The following ZNF385D variants were observed in gnomAD, a reference collection of about 807,000 sequenced individuals.
ZNF385D encodes the protein zinc finger protein 659.
In ZNF385D, 15 loss-of-function variants were observed where a neutral mutation model predicts 35.8. The ratio of observed to expected loss-of-function variants is 0.42; its 90% CI spans 0.28 to 0.64. The LOEUF (loss-of-function observed/expected upper bound fraction) is 0.64, where lower values mean the gene tolerates loss of function less well. Among genes scored for constraint, ZNF385D ranks in the 30% least tolerant of loss-of-function variants. The pLI, the probability that ZNF385D is intolerant of heterozygous loss-of-function variation, is 0.23. For missense variants in ZNF385D, 474 were observed against 494.6 expected, an observed-to-expected ratio of 0.96 and a Z score of 0.39; for synonymous variants, 212 against 186.8, an observed-to-expected ratio of 1.13 and a Z score of -1.10.
At chr3:21,444,790 T>C (rs1702060376) in intron 4 of ZNF385D, among the ~76,000 whole-genome samples, 1 of 143,388 alleles carries the variant, frequency 7.0e-6, no homozygotes, top group South Asian at 2.3e-4. Flanking sequence ...GCTTTTATTT[T>C]GTAGGATAAT....
chr3:21,824,994 T>C (rs2125745514), intron 3 of ZNF385D, among the ~76,000 whole-genome samples: 1 of 152,326 alleles, frequency 6.6e-6, no homozygotes, highest in South Asian at 2.1e-4. Context: ...ATTAATATGT[T>C]CAGACTTCAT....
chr3:21,750,986 C>CAG lies in ZNF385D; in HGVS notation c.-72_-71dup. ...TCTCACCCAAGGCTGGCACGTAGAG[C>CAG]AGAGCCCTTTCATGCTACATTCGGT... On this transcript the variant is annotated 5_prime_UTR_variant, in exon 1 of 8. It introduces an in-frame stop codon into an upstream open reading frame of the 5' UTR. Transcript: ENST00000281523. 1 of 1,612,854 alleles carries CAG rather than the reference C, an allele frequency of 6.2e-7. No homozygotes were observed. Among genetic ancestry groups the CAG allele is most frequent in the Non-Finnish European group, 8.5e-7 (1 of 1,179,588 alleles).
chr3:22,259,595 C>CA (rs923395111), intron 2 of ZNF385D, among the ~76,000 whole-genome samples: 9 of 151,612 alleles, frequency 5.9e-5, no homozygotes, highest in African/African-American at 2.2e-4. Flanking sequence ...ACTAGCATAT[C>CA]AAAAAAATGT....
At chr3:21,636,708 T>A (rs918911496) in intron 2 of ZNF385D, among the ~76,000 whole-genome samples, 3 of 151,776 alleles carry the variant, frequency 2.0e-5, no homozygotes, top group African/African-American at 7.3e-5. Context: ...CTGACTCAAA[T>A]GTTAATCTCC....
intron 3 of ZNF385D, among the ~76,000 whole-genome samples, chr3:22,023,576 T>G (rs569179296): frequency 6.6e-6 from 1 of 152,242 alleles, no homozygotes; most frequent in East Asian, 1.9e-4. Context: ...ATTACAAAGC[T>G]GCTTCTGGCT....
intron 3 of ZNF385D, among the ~76,000 whole-genome samples, chr3:21,527,067 G>T (rs1708270768): frequency 6.6e-6 from 1 of 151,900 alleles, no homozygotes; most frequent in Non-Finnish European, 1.5e-5. Flanking sequence ...AATCTTAAAA[G>T]TACAAATAAG....
At chr3:22,092,126 C>T (rs558848183) in intron 3 of ZNF385D, among the ~76,000 whole-genome samples, 114 of 152,256 alleles carry the variant, frequency 7.5e-4, no homozygotes, top group African/African-American at 2.5e-3. Flanking sequence ...AAGGCATGCA[C>T]TGTCCTAGTC....
At chr3:21,460,098 G>A (rs77816869) in intron 4 of ZNF385D, among the ~76,000 whole-genome samples, 3,197 of 152,220 alleles carry the variant, frequency 0.021, 108 homozygotes, top group African/African-American at 0.073. Context: ...TGTTTCTTTT[G>A]ATTCTGTTTA....
intron 3 of ZNF385D, among the ~76,000 whole-genome samples, chr3:22,119,091 C>T (rs889411667): frequency 2.0e-5 from 3 of 152,090 alleles, no homozygotes; most frequent in Middle Eastern, 3.2e-3. Flanking sequence ...AACTGTTCTA[C>T]AGGGGCTACA....
intron 2 of ZNF385D, among the ~76,000 whole-genome samples, chr3:22,296,892 G>A (rs1702614294): frequency 6.6e-6 from 1 of 152,010 alleles, no homozygotes; most frequent in Non-Finnish European, 1.5e-5. Flanking sequence ...AATGGGCCAG[G>A]CCAGACTTAA....
intron 3 of ZNF385D, among the ~76,000 whole-genome samples, chr3:22,038,543 T>C (rs1211516754): frequency 6.6e-6 from 1 of 152,210 alleles, no homozygotes; most frequent in Non-Finnish European, 1.5e-5. Flanking sequence ...ATTATCATTA[T>C]AATCTACAGG....
chr3:22,265,272 G>T (rs933801265), intron 2 of ZNF385D, among the ~76,000 whole-genome samples: 3 of 152,112 alleles, frequency 2.0e-5, no homozygotes, highest in African/African-American at 7.2e-5. Flanking sequence ...CTCTGAGGAG[G>T]TGATGTTTAA....
intron 3 of ZNF385D, among the ~76,000 whole-genome samples, chr3:22,000,274 C>G (rs1444154129): frequency 1.3e-5 from 2 of 150,030 alleles, no homozygotes; most frequent in Non-Finnish European, 3.0e-5. Context: ...CACGGCACTC[C>G]AGCCTGGGTG....
intron 3 of ZNF385D, among the ~76,000 whole-genome samples, chr3:21,870,202 A>G (rs769482620): frequency 2.6e-5 from 4 of 152,198 alleles, no homozygotes; most frequent in African/African-American, 9.6e-5. Flanking sequence ...GACCAATATC[A>G]TAATTGTCAA....
intron 3 of ZNF385D, among the ~76,000 whole-genome samples, chr3:21,904,014 AT>A (rs1211407107): frequency 2.0e-5 from 3 of 152,080 alleles, no homozygotes; most frequent in Non-Finnish European, 2.9e-5. Flanking sequence ...ATTTATTATT[AT>A]AATTGGTGGT....
intron 3 of ZNF385D, among the ~76,000 whole-genome samples, chr3:21,984,270 G>A (rs1322607210): frequency 6.8e-6 from 1 of 146,856 alleles, no homozygotes; most frequent in Non-Finnish European, 1.5e-5. Context: ...TAATGCCTAG[G>A]GTTTCTTCTA....
chr3:22,310,977 T>A (rs1453455114), intron 2 of ZNF385D, among the ~76,000 whole-genome samples: 1 of 151,932 alleles, frequency 6.6e-6, no homozygotes, highest in Non-Finnish European at 1.5e-5. Flanking sequence ...ATGAAAAATT[T>A]ATCAATCTTT....
chr3:22,290,801 A>T (rs561856570), intron 2 of ZNF385D, among the ~76,000 whole-genome samples: 1 of 152,322 alleles, frequency 6.6e-6, no homozygotes, highest in South Asian at 2.1e-4. Context: ...TTGATGGAAC[A>T]GGGAGAGTCA....
chr3:22,144,200 C>T (rs1459100410), intron 3 of ZNF385D, among the ~76,000 whole-genome samples: 1 of 151,998 alleles, frequency 6.6e-6, no homozygotes, highest in East Asian at 1.9e-4. Context: ...AACTACAGAA[C>T]CAGGAGTTCA....
Sources: gnomAD v4.1 joint callset for allele counts (sites outside exome capture counted in the v4.1 genomes callset) on GRCh38, gnomAD v4.1.1 for gene constraint, MANE v1.5 for transcripts, NCBI Gene and HGNC (gene_info 2026-07-23, HGNC 2026-07-21) for gene names.